Variants in DLG2 observed in about 807,000 individuals in gnomAD.
DLG2 encodes discs large MAGUK scaffold protein 2.
DLG2 carries 45 observed loss-of-function variants against 132.5 expected under a neutral mutation model. The ratio of observed to expected loss-of-function variants is 0.34; its 90% CI spans 0.27 to 0.44. The LOEUF is 0.44. Ranked by LOEUF, DLG2 falls within the 20% of genes least tolerant of loss-of-function variation. DLG2 has a pLI of 1.00. For missense variants in DLG2, 1,045 were observed against 1,196.9 expected, an observed-to-expected ratio of 0.87 and a Z score of 1.87; for synonymous variants, 424 against 419.6, an observed-to-expected ratio of 1.01 and a Z score of -0.13.
chr11:84,821,099 A>G (rs1444005790), intron 6 of DLG2, among the ~76,000 whole-genome samples: 1 of 151,954 alleles, frequency 6.6e-6, no homozygotes, highest in African/African-American at 2.4e-5. Context: ...TGTACCGTAT[A>G]AATTAGTATG....
intron 3 of DLG2, among the ~76,000 whole-genome samples, chr11:85,288,615 T>C (rs2078703905): frequency 6.6e-6 from 1 of 151,902 alleles, no homozygotes; most frequent in African/African-American, 2.4e-5. Context: ...GCTGTGTTCA[T>C]GCCACTGCAC....
rs1260684201 is a variant in DLG2 at position 85,269,503 on chromosome 11, T to G, written c.186+15717A>C. ...AGAGTAAAGATTGTAGAGTCAGAGA[T>G]AACTGAGTTGGAGTTCTTAATCTTC... is the stretch of plus-strand genomic sequence containing the variant. On this transcript the variant is annotated intron_variant, in intron 4 of 27. Transcript: ENST00000376104. Among the ~76,000 whole-genome samples the G allele has an allele frequency of 3.3e-5, 5 of 152,252 alleles. No homozygotes were observed. The East Asian group carries it at 7.7e-4, about 23-fold the overall frequency.
At chr11:83,728,542 T>C (rs940745122) in intron 18 of DLG2, among the ~76,000 whole-genome samples, 1 of 152,244 alleles carries the variant, frequency 6.6e-6, no homozygotes, top group African/African-American at 2.4e-5. Flanking sequence ...ATGCCTGTTA[T>C]TCCAGCATTT....
At chr11:84,621,183 GT>G (rs2099613260) in intron 6 of DLG2, among the ~76,000 whole-genome samples, 1 of 151,912 alleles carries the variant, frequency 6.6e-6, no homozygotes, top group Non-Finnish European at 1.5e-5. Context: ...TATGGTGTTG[GT>G]TTTATTATTA....
At chr11:84,835,409 A>G (rs1295737501) in intron 6 of DLG2, among the ~76,000 whole-genome samples, 1 of 151,708 alleles carries the variant, frequency 6.6e-6, no homozygotes, top group Non-Finnish European at 1.5e-5. Flanking sequence ...TTTCTTATCT[A>G]CAAAATGGAG....
intron 7 of DLG2, among the ~76,000 whole-genome samples, chr11:84,290,144 C>G (rs570116155): frequency 6.6e-6 from 1 of 152,168 alleles, no homozygotes; most frequent in Non-Finnish European, 1.5e-5. Context: ...TGAGCAAAGG[C>G]AAAAATATTT....
intron 3 of DLG2, among the ~76,000 whole-genome samples, chr11:85,486,933 T>C (rs958459223): frequency 9.3e-5 from 14 of 150,828 alleles, no homozygotes; most frequent in Non-Finnish European, 1.9e-4. Flanking sequence ...ACCTAAACAA[T>C]GGTCCAACTA....
chr11:85,194,710 C>T (rs1473896192), intron 4 of DLG2, among the ~76,000 whole-genome samples: 1 of 151,966 alleles, frequency 6.6e-6, no homozygotes, highest in African/African-American at 2.4e-5. Flanking sequence ...TAATCCTGTC[C>T]ATCCTCCTGG....
chr11:84,450,409 T>A (rs1442581378), intron 7 of DLG2, among the ~76,000 whole-genome samples: 1 of 118,416 alleles, frequency 8.4e-6, no homozygotes, highest in Admixed American at 7.6e-5. Flanking sequence ...AAGAAGTACT[T>A]TTTTTTTTTT....
chr11:84,436,170 C>A (rs2099000143), intron 7 of DLG2, among the ~76,000 whole-genome samples: 1 of 152,078 alleles, frequency 6.6e-6, no homozygotes, highest in South Asian at 2.1e-4. Context: ...CCAATTCCAG[C>A]CCAATCCTCC....
intron 7 of DLG2, among the ~76,000 whole-genome samples, chr11:84,385,209 A>G (rs535682764): frequency 2.2e-4 from 34 of 152,064 alleles, no homozygotes; most frequent in Non-Finnish European, 4.3e-4. Flanking sequence ...AATCATCTAA[A>G]GCAGTAAAAT....
intron 6 of DLG2, among the ~76,000 whole-genome samples, chr11:85,064,584 T>A (rs763449179): frequency 6.6e-6 from 1 of 151,686 alleles, no homozygotes; most frequent in African/African-American, 2.4e-5. Flanking sequence ...GGAGTGAAAA[T>A]TGATTATGTA....
chr11:84,440,710 C>A (rs150611759), intron 7 of DLG2, among the ~76,000 whole-genome samples: 119 of 152,270 alleles, frequency 7.8e-4, no homozygotes, highest in African/African-American at 2.3e-3. Context: ...ATGACGGAAA[C>A]CTACCAGTGC....
intron 3 of DLG2, among the ~76,000 whole-genome samples, chr11:85,503,797 T>G (rs149073872): frequency 6.6e-6 from 1 of 152,050 alleles, no homozygotes; most frequent in East Asian, 1.9e-4. Flanking sequence ...TTGGGCATGG[T>G]GGCACACACC....
intron 3 of DLG2, among the ~76,000 whole-genome samples, chr11:85,520,695 T>C (rs1007619096): frequency 2.0e-5 from 3 of 151,420 alleles, no homozygotes; most frequent in African/African-American, 7.3e-5. Context: ...ACAGAGAATC[T>C]AGAAAGAAAT....
At chr11:83,470,442 G>A (rs990027146) in intron 24 of DLG2, among the ~76,000 whole-genome samples, 1 of 152,064 alleles carries the variant, frequency 6.6e-6, no homozygotes, top group Non-Finnish European at 1.5e-5. Flanking sequence ...TTGAAGTTTT[G>A]TACAATGAAC....
intron 6 of DLG2, among the ~76,000 whole-genome samples, chr11:84,874,052 A>AC (rs2085925955): frequency 6.6e-6 from 1 of 152,230 alleles, no homozygotes; most frequent in Admixed American, 6.5e-5. Flanking sequence ...CTAAACCCTC[A>AC]CATCTTTTGT....
intron 10 of DLG2, among the ~76,000 whole-genome samples, chr11:84,065,754 A>G (rs988205959): frequency 7.2e-5 from 11 of 152,206 alleles, no homozygotes; most frequent in Non-Finnish European, 1.3e-4. Context: ...TACCATTAAG[A>G]TATATGCACA....
chr11:84,555,896 C>T (rs2099411009), intron 6 of DLG2, among the ~76,000 whole-genome samples: 1 of 152,152 alleles, frequency 6.6e-6, no homozygotes, highest in Admixed American at 6.6e-5. Context: ...GTTGGGGAGA[C>T]CAGTTGGGAG....
Sources: gnomAD v4.1 joint callset for allele counts (sites outside exome capture counted in the v4.1 genomes callset) on GRCh38, gnomAD v4.1.1 for gene constraint, MANE v1.5 for transcripts, NCBI Gene and HGNC (gene_info 2026-07-23, HGNC 2026-07-21) for gene names.